FGD2: variants seen among roughly 807,000 people sequenced by gnomAD.
FGD2 encodes the protein FYVE, RhoGEF and PH domain containing 2.
A neutral mutation model predicts 75.9 loss-of-function variants in FGD2; 52 were observed. That is an observed-to-expected ratio of 0.69 (90% confidence interval 0.55 to 0.86). The LOEUF (loss-of-function observed/expected upper bound fraction) is 0.86. Ranked by LOEUF, FGD2 falls within the 40% of genes least tolerant of loss-of-function variation. FGD2 has a pLI of 0.00. For synonymous variants in FGD2, 347 were observed against 348.6 expected, an observed-to-expected ratio of 1.00 and a Z score of 0.05; for missense variants, 790 against 872.0, an observed-to-expected ratio of 0.91 and a Z score of 1.18.
chr6:37,027,590 T>C lies in FGD2; in HGVS notation c.1752+15T>C, dbSNP rs1452099561. ...CTGCCCCTCAGGTAAGGCCACCACC[T>C]GCCCGCCCCCCGTCAGGCCCTGGCC... On this transcript the variant is annotated intron_variant, in intron 15 of 15. Coordinates refer to ENST00000274963, the MANE Select transcript of FGD2 (RefSeq NM_173558.4). The C allele has an allele frequency of 1.9e-6, 3 of 1,613,318 alleles. No individual in the cohort carries two copies. Among genetic ancestry groups the C allele is most frequent in the Non-Finnish European group, 2.5e-6 (3 of 1,179,788 alleles).
intron 13 of FGD2, 37 bp downstream of exon 13, chr6:37,022,407 G>C (rs373682347): frequency 6.5e-7 from 1 of 1,533,038 alleles, no homozygotes; most frequent in South Asian, 1.2e-5. Context: ...CTCCACCTGC[G>C]TCACCCAGGC....
chr6:37,017,525 C>A (rs2150776912), intron 9 of FGD2, among the ~76,000 whole-genome samples: 2 of 152,324 alleles, frequency 1.3e-5, no homozygotes, highest in Middle Eastern at 3.4e-3. Flanking sequence ...AGGCTTCAAT[C>A]CAGAGGGTTC....
intron 9 of FGD2, among the ~76,000 whole-genome samples, chr6:37,019,335 G>A (rs1310264179): frequency 6.6e-6 from 1 of 152,144 alleles, no homozygotes; most frequent in African/African-American, 2.4e-5. Flanking sequence ...CATTGCCAAG[G>A]GCATCGAATC....
rs1480161197 is a variant in FGD2 at position 37,008,815 on chromosome 6, G to A, written c.69-19G>A. 6.5e-7 allele frequency: 1 copy of A among 1,548,546 alleles called. No homozygotes were observed. The highest frequency in any genetic ancestry group is 2.3e-5 in the East Asian group (1 of 43,826). On this transcript the variant is annotated intron_variant, in intron 1 of 15. Transcript: ENST00000274963. ...TGTTCTCCAGGGAGGAAGCCCTCAG[G>A]TCTGTCTCTTCTCCTCAGGACCCCA... is the stretch of plus-strand genomic sequence containing the variant.
chr6:37,013,952 C>T lies in FGD2; in HGVS notation c.685-10C>T. 1 of 1,612,130 alleles carries T rather than the reference C, an allele frequency of 6.2e-7. No homozygotes were observed. Among genetic ancestry groups the T allele is most frequent in the Non-Finnish European group, 8.5e-7 (1 of 1,178,884 alleles). ...ACCCTCTCCGTGTTGCTCCCCCATC[C>T]CTCCCCAAGAGCAGCGAGGCTTCGG... On this transcript the variant is annotated splice_polypyrimidine_tract_variant and intron_variant, in intron 5 of 15. Transcript: ENST00000274963.
At chr6:37,020,643 C>T in intron 10 of FGD2, 23 bp downstream of exon 10, 1 of 1,591,366 alleles carries the variant, frequency 6.3e-7, no homozygotes, top group Non-Finnish European at 8.6e-7. Flanking sequence ...GGGTGGCGGC[C>T]CAGGGCCAGG....
rs1765530736 is a variant in FGD2 at position 37,020,586 on chromosome 6, T to A, written c.1168T>A (p.Ser390Thr). The change falls in exon 10 of 16, where the codon TCC (serine) becomes ACC (threonine). Residue 390 changes from serine to threonine, a missense_variant. Transcript: ENST00000274963. The part of the protein sequence containing the change: ...DAEFPHSFLV[S>T]GKQRTLELQA... ...TGAGTTTCCCCACTCCTTCCTGGTGTCCGGGAAGCAGCGCACCCTGGAGCT... is the reference window on the plus strand; with the variant it reads ...TGAGTTTCCCCACTCCTTCCTGGTGACCGGGAAGCAGCGCACCCTGGAGCT... The A allele has an allele frequency of 6.2e-7, 1 of 1,609,288 alleles. No individual in the cohort carries two copies. The highest frequency in any genetic ancestry group is 8.5e-7 in the Non-Finnish European group (1 of 1,178,352).
At position 37,014,659 on chromosome 6, in the gene FGD2, G is replaced by A. The variant is rs199640627; in HGVS notation, c.837G>A (p.Met279Ile). Residue 279 changes from methionine to isoleucine, a missense_variant, in exon 7 of 16, where the codon ATG (methionine) becomes ATA (isoleucine). By Grantham distance (10) the Met-to-Ile change is conservative. Transcript: ENST00000274963. Reference sequence around the variant, plus strand: ...TGCCCCTTTCAGAAGCCCTGGACATGATCTTCTCAGCTGCCCAGCACTCCA... The same window carrying A: ...TGCCCCTTTCAGAAGCCCTGGACATAATCTTCTCAGCTGCCCAGCACTCCA... ...DQADAQKALD[M>I]IFSAAQHSNA... The A allele has an allele frequency of 2.9e-5, 46 of 1,613,982 alleles. No homozygotes were observed. Among genetic ancestry groups the A allele is most frequent in the Middle Eastern group, 1.6e-4 (1 of 6,062 alleles).
chr6:37,014,537 G>A, intron 6 of FGD2, 109 bp from the exon 7 acceptor site: 1 of 1,281,236 alleles, frequency 7.8e-7, no homozygotes. Flanking sequence ...CTGCTCCTGG[G>A]GGCTGTCATG....
intron 2 of FGD2, 115 bp downstream of exon 2, chr6:37,009,180 T>A (rs182529881): frequency 2.0e-5 from 20 of 1,009,174 alleles, no homozygotes; most frequent in Middle Eastern, 3.1e-4. Flanking sequence ...GGGGGTATGG[T>A]GTGATCAGAG....
intron 15 of FGD2, 135 bp downstream of exon 15, chr6:37,027,710 C>A: frequency 4.0e-6 from 5 of 1,236,782 alleles, no homozygotes; most frequent in Non-Finnish European, 4.5e-6. Context: ...ATATGGTATC[C>A]TGGAGTCTCA....
chr6:37,019,855 CT>C (rs11385767), intron 9 of FGD2, among the ~76,000 whole-genome samples: 10,369 of 136,070 alleles, frequency 0.076, 619 homozygotes, highest in East Asian at 0.39. Context: ...CTTTTCTTTT[CT>C]TTTTTTTTTT....
rs771562365 is a variant in FGD2, at chr6:37,009,056, G to A, written c.291G>A (p.Ser97=). 1.2e-5 allele frequency: 19 copies of A among 1,613,840 alleles called. No homozygotes were observed. The highest frequency in any genetic ancestry group is 1.5e-5 in the Non-Finnish European group (18 of 1,179,936). The change falls in exon 2 of 16, where the codon TCG becomes TCA. Residue 97 remains serine (S), a synonymous_variant. Transcript: ENST00000274963. The part of the protein sequence containing the change: ...KSCQPVTLSG[S]GTQEPEKKIV... ...GCCAGCCTGTGACCCTCTCAGGATC[G>A]GGGACGCAGGTGCCTGAGGGCTGAG...
At chr6:37,013,545 T>A in intron 4 of FGD2, 64 bp from the exon 5 acceptor site, 1 of 1,564,172 alleles carries the variant, frequency 6.4e-7, no homozygotes, top group African/African-American at 1.4e-5. Flanking sequence ...TGGCCTCACC[T>A]GGCCCTATCT....
At chr6:37,026,204 C>T (rs982941616) in intron 14 of FGD2, 34 of 985,314 alleles carry the variant, frequency 3.5e-5, no homozygotes, top group South Asian at 9.4e-5. Context: ...TGTCCCCATC[C>T]GATAGTACGG....
At chr6:37,020,405 CG>C in intron 9 of FGD2, 135 bp from the exon 10 acceptor site, 1 of 818,468 alleles carries the variant, frequency 1.2e-6, no homozygotes, top group Non-Finnish European at 1.9e-6. Context: ...AGAGAGGTGG[CG>C]AACAAGCTCT....
At chr6:37,019,189 A>G (rs933524991) in intron 9 of FGD2, among the ~76,000 whole-genome samples, 2 of 152,192 alleles carry the variant, frequency 1.3e-5, no homozygotes, top group Non-Finnish European at 2.9e-5. Context: ...GGCCAGGACC[A>G]TTTATGATGT....
intron 8 of FGD2, 78 bp from the exon 9 acceptor site, chr6:37,015,690 G>T (rs1392399391): frequency 1.5e-6 from 2 of 1,361,538 alleles, no homozygotes; most frequent in South Asian, 1.3e-5. Context: ...GCCCATGCTC[G>T]GCCCACCCTC....
chr6:37,013,679 G>A lies in FGD2; in HGVS notation c.598G>A (p.Val200Ile), dbSNP rs777052919. 2 of 1,614,110 alleles carry A rather than the reference G, an allele frequency of 1.2e-6. No individual in the cohort carries two copies. Among genetic ancestry groups the A allele is most frequent in the South Asian group, 1.1e-5 (1 of 91,086 alleles). ...CTTCCTGAAGATGTACAGTGAGTAT[G>A]TCAAGAACTTTGAGCGAGCGGCTGA... ...APFLKMYSEY[V>I]KNFERAAELL... is the part of the protein sequence containing the mutation. The change falls in exon 5 of 16, where the codon GTC (valine) becomes ATC (isoleucine). Residue 200 changes from valine (V) to isoleucine (I), a missense_variant. Coordinates refer to ENST00000274963, the MANE Select transcript of FGD2 (RefSeq NM_173558.4).
Sources: gnomAD v4.1 joint callset for allele counts (sites outside exome capture counted in the v4.1 genomes callset) on GRCh38, gnomAD v4.1.1 for gene constraint, MANE v1.5 for transcripts, NCBI Gene and HGNC (gene_info 2026-07-23, HGNC 2026-07-21) for gene names.